PIP5K1C: variants seen among roughly 807,000 people sequenced by gnomAD.
PIP5K1C encodes the protein phosphatidylinositol-4-phosphate 5-kinase type 1 gamma.
Under a neutral mutation model 80.1 loss-of-function variants are expected in PIP5K1C, and 45 were observed. That is an observed-to-expected ratio of 0.56 (90% CI 0.44 to 0.72). The LOEUF (loss-of-function observed/expected upper bound fraction) is 0.72. Among genes scored for constraint, PIP5K1C ranks in the 30% least tolerant of loss-of-function variants. PIP5K1C has a pLI of 0.00. For synonymous variants in PIP5K1C, 498 were observed against 420.1 expected (o/e 1.19, Z -2.27); for missense variants, 753 against 954.6 (o/e 0.79, Z 2.78).
intron 5 of PIP5K1C, among the ~76,000 whole-genome samples, chr19:3,659,823 C>T (rs1399733713): frequency 2.0e-5 from 3 of 152,186 alleles, no homozygotes; most frequent in Admixed American, 6.5e-5. Context: ...ATAAACCAAA[C>T]GCACGCACAG....
Position 3,633,137 on chromosome 19 carries a change from C to G in PIP5K1C, c.*30G>C. The stretch of plus-strand genomic sequence containing the variant: ...GGGGGCAGCCGGAGCAGAAGTGGAG[C>G]TCGGCTCTGGGTCGGGGGCTGCATA... On this transcript the variant is annotated 3_prime_UTR_variant, in exon 18 of 18. Coordinates refer to ENST00000335312, the MANE Select transcript of PIP5K1C (RefSeq NM_012398.3). 1 of 759,588 alleles carries G rather than the reference C, an allele frequency of 1.3e-6. No homozygotes were observed. The highest frequency in any genetic ancestry group is 2.4e-6 in the Non-Finnish European group (1 of 408,660). The allele number at this position is 759,588 out of a possible 1,614,324, so 47.1% of individuals were successfully genotyped here.
At chr19:3,650,694 T>C (rs1043275840) in intron 8 of PIP5K1C, among the ~76,000 whole-genome samples, 3 of 152,234 alleles carry the variant, frequency 2.0e-5, no homozygotes, top group African/African-American at 7.2e-5. Flanking sequence ...CCAGCAGACA[T>C]GACTGCAGGC....
chr19:3,659,877 G>A (rs1300535819), intron 5 of PIP5K1C, among the ~76,000 whole-genome samples: 4 of 152,338 alleles, frequency 2.6e-5, no homozygotes, highest in African/African-American at 9.6e-5. Flanking sequence ...ACCACCGCGG[G>A]TGAGGGCAGG....
intron 16 of PIP5K1C, among the ~76,000 whole-genome samples, chr19:3,635,197 C>T (rs748028247): frequency 6.6e-6 from 1 of 152,230 alleles, no homozygotes; most frequent in Non-Finnish European, 1.5e-5. Flanking sequence ...AGGGGCATCC[C>T]GGGCACACAC....
rs2035967063 is a variant in PIP5K1C, at chr19:3,692,058, G to A, written c.94+8239C>T. ...CGCACGGGAAGGGTGCACAGTGGGA[G>A]CTGCCCGCTCACGTCCCTGTCCCCA... is the stretch of plus-strand genomic sequence containing the variant. On this transcript the variant is annotated intron_variant, in intron 1 of 17. Coordinates refer to ENST00000335312, the MANE Select transcript of PIP5K1C (RefSeq NM_012398.3). This position sits in a 1 kb window ranked among gnomAD's most constrained non-coding sequence, Gnocchi z 5.2. Among the ~76,000 whole-genome samples the A allele has an allele frequency of 6.6e-6, 1 of 152,204 alleles. No individual in the cohort carries two copies. The highest frequency in any genetic ancestry group is 1.5e-5 in the Non-Finnish European group (1 of 68,024).
chr19:3,680,984 T>C (rs2035572640), intron 1 of PIP5K1C, among the ~76,000 whole-genome samples: 1 of 152,146 alleles, frequency 6.6e-6, no homozygotes, highest in African/African-American at 2.4e-5. Context: ...AGGATGGCCC[T>C]ACCCCAGAGA....
At chr19:3,677,007 C>T (rs902313645) in intron 1 of PIP5K1C, among the ~76,000 whole-genome samples, 3 of 152,036 alleles carry the variant, frequency 2.0e-5, no homozygotes, top group South Asian at 2.1e-4. Flanking sequence ...GAGGCTGAGG[C>T]GGGAGGATCA....
At chr19:3,678,511 G>GT (rs2035476876) in intron 1 of PIP5K1C, among the ~76,000 whole-genome samples, 1 of 126,554 alleles carries the variant, frequency 7.9e-6, no homozygotes, top group Admixed American at 7.7e-5. Context: ...TGGAAGGATG[G>GT]TGGGATGGAG....
At chr19:3,638,804 T>C (rs2145381175) in intron 16 of PIP5K1C, 80 bp downstream of exon 16, 1 of 1,571,898 alleles carries the variant, frequency 6.4e-7, no homozygotes, top group Non-Finnish European at 8.7e-7. Context: ...GGTGTGTGTA[T>C]GCGGTGTGCA....
chr19:3,655,238 G>GA (rs930637000), intron 6 of PIP5K1C, among the ~76,000 whole-genome samples: 1 of 151,568 alleles, frequency 6.6e-6, no homozygotes, highest in Admixed American at 6.6e-5. Flanking sequence ...CTAACACGGT[G>GA]AAACCATGTC....
chr19:3,653,763 G>A lies in PIP5K1C; in HGVS notation c.622-174C>T, dbSNP rs539420949. The stretch of plus-strand genomic sequence containing the variant: ...GCAGGCACCCAGCTGGCCTTCCCAC[G>A]GCACCCTGACTCTCATGGGCCACAA... On this transcript the variant is annotated intron_variant, in intron 6 of 17. Coordinates refer to ENST00000335312, the MANE Select transcript of PIP5K1C (RefSeq NM_012398.3). 7.2e-5 allele frequency among the ~76,000 whole-genome samples: 11 copies of A among 152,220 alleles called. No homozygotes were observed. In the South Asian group the frequency reaches 1.7e-3, roughly 23 times the overall value.
At chr19:3,685,270 T>C (rs974543224) in intron 1 of PIP5K1C, among the ~76,000 whole-genome samples, 7 of 152,216 alleles carry the variant, frequency 4.6e-5, no homozygotes, top group Non-Finnish European at 7.3e-5. Context: ...CTAATGTGTG[T>C]GCCCTTGGCA....
intron 2 of PIP5K1C, among the ~76,000 whole-genome samples, chr19:3,665,477 G>C (rs986280041): frequency 6.6e-6 from 1 of 152,164 alleles, no homozygotes; most frequent in Non-Finnish European, 1.5e-5. Context: ...GGACTGAGGT[G>C]GGGGTGGGAA....
chr19:3,645,508 C>G (rs72978649), intron 11 of PIP5K1C, among the ~76,000 whole-genome samples: 1 of 152,242 alleles, frequency 6.6e-6, no homozygotes, highest in Non-Finnish European at 1.5e-5. Flanking sequence ...ACTGTTTGCC[C>G]TGGGACCTTC....
intron 12 of PIP5K1C, 90 bp downstream of exon 12, chr19:3,643,997 G>T: frequency 6.9e-7 from 1 of 1,443,640 alleles, no homozygotes; most frequent in Non-Finnish European, 9.6e-7. Flanking sequence ...TGAGCGATGG[G>T]CACTCAGGAT....
intron 5 of PIP5K1C, among the ~76,000 whole-genome samples, chr19:3,660,146 T>C (rs2034783285): frequency 6.6e-6 from 1 of 152,106 alleles, no homozygotes; most frequent in South Asian, 2.1e-4. Context: ...TACGGGAGGC[T>C]GAGACAGGCA....
chr19:3,639,598 ATT>A (rs759166457), intron 15 of PIP5K1C, among the ~76,000 whole-genome samples: 13 of 142,326 alleles, frequency 9.1e-5, no homozygotes, highest in Non-Finnish European at 1.1e-4. Context: ...CACCCAACTA[ATT>A]TTTTTTTTTT....
At chr19:3,666,811 G>A (rs2035028201) in intron 2 of PIP5K1C, among the ~76,000 whole-genome samples, 1 of 152,176 alleles carries the variant, frequency 6.6e-6, no homozygotes, top group Non-Finnish European at 1.5e-5. Context: ...ACACACGCAC[G>A]CAGGCAAACA....
rs758470154 is a variant in PIP5K1C at position 3,696,541 on chromosome 19, G to A, written c.94+3756C>T. On this transcript the variant is annotated intron_variant, in intron 1 of 17. Coordinates refer to ENST00000335312, the MANE Select transcript of PIP5K1C (RefSeq NM_012398.3). This position sits in a 1 kb window ranked among gnomAD's most constrained non-coding sequence, Gnocchi z 4.1. ...CAGGGAGGCCTCACGGAGAGGAGAT[G>A]CTCCCACAAAACCTGGAAAGCGCTA... 6.4e-5 allele frequency among the ~76,000 whole-genome samples: 9 copies of A among 140,020 alleles called. No homozygotes were observed. Among genetic ancestry groups the A allele is most frequent in the African/African-American group, 1.1e-4 (4 of 37,184 alleles). 91.9% of individuals were successfully genotyped at this position (140,020 alleles called of 152,430 possible).
Sources: allele counts gnomAD v4.1 joint callset (sites outside exome capture counted in the v4.1 genomes callset), GRCh38; gene constraint gnomAD v4.1.1; non-coding constraint Gnocchi (gnomAD v3.1); transcripts MANE v1.5; gene names NCBI Gene and HGNC (gene_info 2026-07-23, HGNC 2026-07-21).